The following GAS2L3 variants were observed in gnomAD, a reference collection of about 807,000 sequenced individuals.
GAS2L3 encodes growth arrest specific 2 like 3, also known as GAS2-like protein 3.
A neutral mutation model predicts 37.0 loss-of-function variants in GAS2L3; 28 were observed. The observed-to-expected ratio is 0.76, with a 90% CI of 0.56 to 1.04. The LOEUF is 1.04. Ranked by LOEUF, GAS2L3 falls within the 50% of genes least tolerant of loss-of-function variation. The pLI is 0.00. For synonymous variants in GAS2L3, 290 were observed against 296.6 expected, an observed-to-expected ratio of 0.98 and a Z score of 0.23; for missense variants, 793 against 817.6, an observed-to-expected ratio of 0.97 and a Z score of 0.37.
intron 8 of GAS2L3, among the ~76,000 whole-genome samples, chr12:100,619,361 T>C (rs1040586494): frequency 6.6e-6 from 1 of 152,070 alleles, no homozygotes; most frequent in Admixed American, 6.6e-5. Flanking sequence ...ATGTGAACAA[T>C]GAAGGTGAAC....
intron 3 of GAS2L3, among the ~76,000 whole-genome samples, chr12:100,596,197 C>T (rs1436537427): frequency 6.6e-6 from 1 of 152,054 alleles, no homozygotes; most frequent in Non-Finnish European, 1.5e-5. Context: ...CATCCACTTG[C>T]ATATGCTTAG....
chr12:100,592,262 A>T (rs555907160), intron 2 of GAS2L3: 1 of 152,202 alleles, frequency 6.6e-6, no homozygotes, highest in East Asian at 1.9e-4. Context: ...CTGGTGGCTG[A>T]GGGCTGAATG....
chr12:100,581,420 A>G (rs1955710353), intron 1 of GAS2L3, among the ~76,000 whole-genome samples: 1 of 152,200 alleles, frequency 6.6e-6, no homozygotes. Context: ...TTTTTGTGAG[A>G]AAAGGACTGT....
Position 100,624,780 on chromosome 12 carries a change from C to T in GAS2L3, c.1975C>T (p.Pro659Ser), listed in dbSNP as rs1369770929. Residue 659 changes from proline to serine, a missense_variant, in exon 10 of 10, where the codon CCC (proline) becomes TCC (serine). By Grantham distance (74) the Pro-to-Ser change is moderately conservative. Coordinates refer to ENST00000547754, the MANE Select transcript of GAS2L3 (RefSeq NM_174942.3). ...GKTPASIRKP[P>S]SSVKDADSGD... ...AACCCCAGCTTCAATCAGGAAACCA[C>T]CCTCATCTGTTAAGGATGCAGATAG... 6.2e-7 allele frequency: 1 copy of T among 1,613,702 alleles called. No individual in the cohort carries two copies. The highest frequency in any genetic ancestry group is 1.3e-5 in the African/African-American group (1 of 74,856).
chr12:100,622,264 C>A lies in GAS2L3; in HGVS notation c.649-11C>A, dbSNP rs10860612. On this transcript the variant is annotated splice_polypyrimidine_tract_variant and intron_variant, in intron 8 of 9. Transcript: ENST00000547754. ...TGACAAGCACTAAATTTTATTTGTT[C>A]GTCATCTTAGGTTAAACATATTGCT... is the stretch of plus-strand genomic sequence containing the variant. 4 of 1,431,750 alleles carry A rather than the reference C, an allele frequency of 2.8e-6. No homozygotes were observed. The highest frequency in any genetic ancestry group is 2.4e-5 in the South Asian group (2 of 81,860). 88.7% of individuals were successfully genotyped at this position (1,431,750 alleles called of 1,614,324 possible).
intron 3 of GAS2L3, among the ~76,000 whole-genome samples, chr12:100,599,145 C>T (rs373342225): frequency 2.0e-5 from 3 of 152,150 alleles, no homozygotes; most frequent in African/African-American, 4.8e-5. Context: ...ATCTCCTATG[C>T]GTTTCTCTTA....
At chr12:100,622,032 G>A (rs1956261171) in intron 8 of GAS2L3, among the ~76,000 whole-genome samples, 1 of 151,848 alleles carries the variant, frequency 6.6e-6, no homozygotes, top group Admixed American at 6.6e-5. Flanking sequence ...ACCTCTCTTT[G>A]GTAAAATTGG....
intron 1 of GAS2L3, among the ~76,000 whole-genome samples, chr12:100,588,467 G>T (rs1269566909): frequency 6.6e-6 from 1 of 152,120 alleles, no homozygotes; most frequent in African/African-American, 2.4e-5. Context: ...ACTAATAAGG[G>T]TCTAACAAAG....
chr12:100,595,844 C>G (rs759809776), intron 3 of GAS2L3, among the ~76,000 whole-genome samples: 1 of 151,974 alleles, frequency 6.6e-6, no homozygotes, highest in Admixed American at 6.6e-5. Context: ...CCTGTAAGCA[C>G]GTCAGAAGTT....
intron 2 of GAS2L3, among the ~76,000 whole-genome samples, chr12:100,594,200 T>C (rs1955881935): frequency 6.6e-6 from 1 of 152,058 alleles, no homozygotes; most frequent in African/African-American, 2.4e-5. Context: ...TTTTAAACTC[T>C]TCACTTTTAT....
chr12:100,617,894 A>G, intron 7 of GAS2L3, 87 bp downstream of exon 7: 1 of 750,414 alleles, frequency 1.3e-6, no homozygotes, highest in Non-Finnish European at 2.2e-6. Context: ...TTTTCTATAA[A>G]TAAAAAAATG....
intron 4 of GAS2L3, among the ~76,000 whole-genome samples, chr12:100,600,908 A>G (rs987601524): frequency 1.3e-5 from 2 of 151,972 alleles, no homozygotes; most frequent in Non-Finnish European, 2.9e-5. Context: ...TGTATAAGCC[A>G]TGAACTTTGA....
chr12:100,598,497 A>G (rs2136455912), intron 3 of GAS2L3, among the ~76,000 whole-genome samples: 1 of 152,170 alleles, frequency 6.6e-6, no homozygotes, highest in East Asian at 1.9e-4. Flanking sequence ...GATAGAGTTC[A>G]CCTCCATTAT....
In GAS2L3 at chr12:100,582,854, C is replaced by G. The variant is rs137973724; in HGVS notation, c.-151-8882C>G. ...GGAGCCTCCAAGGGAGAGTTCTTTT[C>G]CTTTCCCAGTTTCCGCTGACACCTG... On this transcript the variant is annotated intron_variant, in intron 1 of 9. Coordinates refer to ENST00000547754, the MANE Select transcript of GAS2L3 (RefSeq NM_174942.3). 3.7e-3 allele frequency among the ~76,000 whole-genome samples: 559 copies of G among 152,264 alleles called. 6 individuals carry two copies. The highest frequency in any genetic ancestry group is 0.013 in the African/African-American group (535 of 41,558).
chr12:100,576,575 G>C (rs1177880671), intron 1 of GAS2L3, among the ~76,000 whole-genome samples: 1 of 152,038 alleles, frequency 6.6e-6, no homozygotes, highest in Non-Finnish European at 1.5e-5. Flanking sequence ...TGAGTCTGTT[G>C]GCCAATTTGT....
chr12:100,601,570 T>C (rs1403206619), intron 4 of GAS2L3, 68 bp from the exon 5 acceptor site: 4 of 776,324 alleles, frequency 5.2e-6, no homozygotes, highest in South Asian at 2.9e-5. Context: ...TCTGATTCTA[T>C]TTAATTAATT....
At chr12:100,609,314 G>A (rs967442113) in intron 5 of GAS2L3, among the ~76,000 whole-genome samples, 1 of 152,140 alleles carries the variant, frequency 6.6e-6, no homozygotes, top group African/African-American at 2.4e-5. Context: ...AACACCCATG[G>A]CATATTACCT....
chr12:100,579,889 C>T lies in GAS2L3; in HGVS notation c.-152+6104C>T, dbSNP rs1047810959. The T allele has an allele frequency of 1.2e-4, 89 of 754,010 alleles. No homozygotes were observed. The African/African-American group carries it at 1.4e-3, about 12-fold the overall frequency. 46.7% of individuals were successfully genotyped at this position (754,010 alleles called of 1,614,324 possible). ...GAAAATATCCGTAACATAGTAAAGA[C>T]TTTCCACACCTGAAGGAATGTTGTG... is the stretch of plus-strand genomic sequence containing the variant. On this transcript the variant is annotated intron_variant, in intron 1 of 9. Transcript: ENST00000547754.
intron 7 of GAS2L3, 52 bp downstream of exon 7, chr12:100,617,859 T>C (rs759497804): frequency 5.5e-5 from 58 of 1,058,520 alleles, no homozygotes; most frequent in Non-Finnish European, 8.2e-5. Context: ...ATTTTAAATC[T>C]ACTGAATTTT....
Sources: allele counts gnomAD v4.1 joint callset (sites outside exome capture counted in the v4.1 genomes callset), GRCh38; gene constraint gnomAD v4.1.1; transcripts MANE v1.5; gene names NCBI Gene and HGNC (gene_info 2026-07-23, HGNC 2026-07-21).